Variants in PDE10A observed in about 807,000 individuals in gnomAD.
PDE10A encodes the protein phosphodiesterase 10A.
Under a neutral mutation model 97.7 loss-of-function variants are expected in PDE10A, and 39 were observed. The observed-to-expected ratio is 0.40, with a 90% CI of 0.31 to 0.52. PDE10A has a LOEUF of 0.52. Among genes scored for constraint, PDE10A ranks in the 20% least tolerant of loss-of-function variants. PDE10A has a pLI of 0.56. For missense variants in PDE10A, 731 were observed against 1,047.8 expected (o/e 0.70, Z 4.17); for synonymous variants, 371 against 376.8 (o/e 0.98, Z 0.18).
At chr6:165,959,323 G>T (rs1007004820) in intron 1 of PDE10A, among the ~76,000 whole-genome samples, 1 of 152,164 alleles carries the variant, frequency 6.6e-6, no homozygotes, top group Non-Finnish European at 1.5e-5. Flanking sequence ...AGGCAAGTGA[G>T]GGAGGGCAAA....
At chr6:165,637,044 T>A (rs763145162) in intron 1 of PDE10A, among the ~76,000 whole-genome samples, 1 of 152,188 alleles carries the variant, frequency 6.6e-6, no homozygotes, top group Non-Finnish European at 1.5e-5. Context: ...CCTACACACC[T>A]ATTATTTAAT....
chr6:165,386,720 C>T (rs2128211747), intron 17 of PDE10A, among the ~76,000 whole-genome samples: 1 of 152,020 alleles, frequency 6.6e-6, no homozygotes, highest in Non-Finnish European at 1.5e-5. Context: ...TCTATGTATG[C>T]AGCCAGGCGC....
chr6:165,615,236 G>GAAAGA (rs1452092124), intron 1 of PDE10A, among the ~76,000 whole-genome samples: 1 of 149,772 alleles, frequency 6.7e-6, no homozygotes. Flanking sequence ...AAGAAAGAAA[G>GAAAGA]AAAGAAAAGA....
At chr6:165,429,857 G>A (rs1354068496) in intron 9 of PDE10A, among the ~76,000 whole-genome samples, 1 of 151,538 alleles carries the variant, frequency 6.6e-6, no homozygotes, top group Admixed American at 6.6e-5. Context: ...TGATAACTGA[G>A]ATACTATACA....
intron 1 of PDE10A, among the ~76,000 whole-genome samples, chr6:165,816,814 G>C (rs368070174): frequency 6.6e-5 from 10 of 152,292 alleles, no homozygotes; most frequent in African/African-American, 1.2e-4. Flanking sequence ...GGTTCCGGAG[G>C]GGGGAAGGGG....
intron 2 of PDE10A, among the ~76,000 whole-genome samples, chr6:165,507,617 T>A (rs755294295): frequency 1.3e-5 from 2 of 152,096 alleles, no homozygotes; most frequent in Non-Finnish European, 2.9e-5. Flanking sequence ...CTAACTTGAA[T>A]GGCTCAAAAA....
At chr6:165,626,508 A>C (rs1788392262) in intron 1 of PDE10A, among the ~76,000 whole-genome samples, 1 of 152,236 alleles carries the variant, frequency 6.6e-6, no homozygotes, top group South Asian at 2.1e-4. Context: ...ATAACCTAAC[A>C]AAGAGAGAAG....
chr6:165,651,323 AT>A (rs1180591910), intron 1 of PDE10A, among the ~76,000 whole-genome samples: 2 of 152,032 alleles, frequency 1.3e-5, no homozygotes, highest in African/African-American at 4.8e-5. Flanking sequence ...TCCTTTGACT[AT>A]TTTTTATCAG....
At chr6:165,928,471 G>A (rs186510391) in intron 1 of PDE10A, among the ~76,000 whole-genome samples, 30 of 152,272 alleles carry the variant, frequency 2.0e-4, no homozygotes, top group East Asian at 1.7e-3. Context: ...CTGTTTAACC[G>A]CCAGGCATGG....
chr6:165,350,323 G>A (rs554793515), intron 18 of PDE10A, among the ~76,000 whole-genome samples: 9 of 152,290 alleles, frequency 5.9e-5, no homozygotes, highest in African/African-American at 2.2e-4. Context: ...AAGGTTTAAT[G>A]GCTGTCCTAC....
At chr6:165,484,016 A>G (rs1779755365) in intron 2 of PDE10A, among the ~76,000 whole-genome samples, 1 of 152,238 alleles carries the variant, frequency 6.6e-6, no homozygotes, top group Admixed American at 6.5e-5. Flanking sequence ...TTTTCCCCTT[A>G]GGAGCTGATT....
chr6:165,512,707 G>A (rs1054042264), intron 2 of PDE10A, among the ~76,000 whole-genome samples: 9 of 152,114 alleles, frequency 5.9e-5, no homozygotes, highest in Admixed American at 1.3e-4. Flanking sequence ...AGATTCTCAA[G>A]AGGAAAACTG....
chr6:165,936,657 C>A (rs541854199), intron 1 of PDE10A, among the ~76,000 whole-genome samples: 42 of 152,128 alleles, frequency 2.8e-4, no homozygotes, highest in African/African-American at 1.0e-3. Context: ...GCCTGTGAAA[C>A]GAAAGGAGAG....
intron 13 of PDE10A, among the ~76,000 whole-genome samples, chr6:165,400,857 C>G (rs139880919): frequency 1.3e-5 from 2 of 152,226 alleles, no homozygotes; most frequent in Non-Finnish European, 2.9e-5. Context: ...TATATCCATA[C>G]AATAAACTAC....
chr6:165,619,494 GTAGTC>G (rs1170787307), intron 1 of PDE10A, among the ~76,000 whole-genome samples: 9 of 56,354 alleles, frequency 1.6e-4, no homozygotes, highest in East Asian at 3.8e-4. Flanking sequence ...GTAGTCTAGT[GTAGTC>G]TAGTGTAGTG....
intron 1 of PDE10A, among the ~76,000 whole-genome samples, chr6:165,942,770 G>A (rs771307228): frequency 5.9e-5 from 9 of 152,096 alleles, no homozygotes; most frequent in Admixed American, 6.5e-5. Context: ...AGGTATTTAC[G>A]ACAAGGCCCT....
At chr6:165,623,363 C>T (rs566892470) in intron 1 of PDE10A, among the ~76,000 whole-genome samples, 1 of 152,162 alleles carries the variant, frequency 6.6e-6, no homozygotes, top group East Asian at 1.9e-4. Context: ...AGTGATCTGC[C>T]TGCCATGTCC....
intron 1 of PDE10A, among the ~76,000 whole-genome samples, chr6:165,958,729 A>AAGAG (rs1562327783): frequency 1.4e-4 from 2 of 14,754 alleles, no homozygotes; most frequent in Non-Finnish European, 2.7e-4. Flanking sequence ...GAAAGAAAGA[A>AAGAG]AGAAAGAAAG....
At chr6:165,640,271 C>T (rs941487702) in intron 1 of PDE10A, among the ~76,000 whole-genome samples, 21 of 152,006 alleles carry the variant, frequency 1.4e-4, no homozygotes, top group African/African-American at 4.8e-4. Flanking sequence ...AAATTGCCTG[C>T]CTTTCTGTTT....
Sources: gnomAD v4.1 joint callset for allele counts (sites outside exome capture counted in the v4.1 genomes callset) on GRCh38, gnomAD v4.1.1 for gene constraint, MANE v1.5 for transcripts, NCBI Gene and HGNC (gene_info 2026-07-23, HGNC 2026-07-21) for gene names.